SUCLG2: variants seen among roughly 807,000 people sequenced by gnomAD.
SUCLG2 encodes succinate-CoA ligase GDP-forming subunit beta, also known as succinate--CoA ligase [GDP-forming] subunit beta, mitochondrial.
A neutral mutation model predicts 47.9 loss-of-function variants in SUCLG2; 42 were observed. That is an observed-to-expected ratio of 0.88 (90% CI 0.69 to 1.14). SUCLG2 has a LOEUF of 1.14. SUCLG2 is among the 50% of genes most tolerant of loss of function. SUCLG2 has a pLI of 0.00. For missense variants in SUCLG2, 571 were observed against 525.9 expected (o/e 1.09, Z -0.84); for synonymous variants, 195 against 197.3 (o/e 0.99, Z 0.10).
downstream of SUCLG2, among the ~76,000 whole-genome samples, chr3:67,374,424 T>G (rs1219952499): frequency 6.6e-6 from 1 of 152,214 alleles, no homozygotes; most frequent in Non-Finnish European, 1.5e-5. Context: ...CTTAATGGAA[T>G]GAGTTATACT....
At chr3:67,454,837 C>T (rs1348858136) in intron 9 of SUCLG2, among the ~76,000 whole-genome samples, 1 of 151,866 alleles carries the variant, frequency 6.6e-6, no homozygotes, top group Non-Finnish European at 1.5e-5. Flanking sequence ...TAGTGGGCAC[C>T]TATAGTCGCA....
Position 67,375,856 on chromosome 3 carries a change from G to A in SUCLG2, c.1187C>T (p.Thr396Ile). The A allele has an allele frequency of 1.2e-6, 2 of 1,613,146 alleles. No individual in the cohort carries two copies. Among genetic ancestry groups the A allele is most frequent in the Non-Finnish European group, 8.5e-7 (1 of 1,179,612 alleles). Residue 396 changes from threonine (T) to isoleucine (I), a missense_variant, in exon 11 of 11, where the codon ACC becomes ATC. Physicochemically the swap from Thr to Ile is moderately conservative, Grantham distance 89. Transcript: ENST00000307227. ...KVPLVVRLEG[T>I]NVQEAQKILN... ...TATCTTCTGGGCCTCTTGGACGTTG[G>A]TTCCTAGAAGGGGGACAGGGAACAA...
rs1702909854 is a variant in SUCLG2 at position 67,410,456 on chromosome 3, G to A, written c.1063-9605C>T. 2.0e-5 allele frequency among the ~76,000 whole-genome samples: 3 copies of A among 152,272 alleles called. No homozygotes were observed. In the South Asian group the frequency reaches 6.2e-4, roughly 32 times the overall value. ...AAGGAGACAAGGAGTTAAAAGGACT[G>A]AAGGGCACAGAGATTTGGGGGAATA... On this transcript the variant is annotated intron_variant, in intron 9 of 10. Transcript: ENST00000307227.
At chr3:67,418,328 T>C (rs571298024) in intron 9 of SUCLG2, among the ~76,000 whole-genome samples, 6 of 152,286 alleles carry the variant, frequency 3.9e-5, no homozygotes, top group South Asian at 4.2e-4. Context: ...TTCAACCCTT[T>C]CCAAACTCCT....
intron 10 of SUCLG2, among the ~76,000 whole-genome samples, chr3:67,386,854 A>T (rs904033220): frequency 9.2e-5 from 14 of 152,186 alleles, no homozygotes; most frequent in African/African-American, 3.4e-4. Context: ...TGCAGCCATA[A>T]TTCCCTGGAG....
intron 1 of SUCLG2, among the ~76,000 whole-genome samples, chr3:67,613,445 T>G (rs1455204966): frequency 6.6e-6 from 1 of 152,186 alleles, no homozygotes; most frequent in Non-Finnish European, 1.5e-5. Context: ...GCCAGTAAGT[T>G]GTGAGTACAT....
chr3:67,423,111 G>A (rs1400615368), intron 9 of SUCLG2, among the ~76,000 whole-genome samples: 2 of 152,108 alleles, frequency 1.3e-5, no homozygotes, highest in Non-Finnish European at 2.9e-5. Flanking sequence ...CTGTAATAAT[G>A]CCCACGTATC....
intron 1 of SUCLG2, among the ~76,000 whole-genome samples, chr3:67,641,904 G>A (rs1427660552): frequency 6.6e-6 from 1 of 152,194 alleles, no homozygotes; most frequent in Non-Finnish European, 1.5e-5. Context: ...AATCTTTGGT[G>A]TTCTTGGCTT....
At chr3:67,581,602 G>A (rs774730411) in intron 2 of SUCLG2, among the ~76,000 whole-genome samples, 4 of 152,146 alleles carry the variant, frequency 2.6e-5, no homozygotes, top group African/African-American at 9.7e-5. Context: ...AGTGAGCCTT[G>A]AACTTTTCAA....
chr3:67,504,224 T>A (rs144936745), intron 7 of SUCLG2, among the ~76,000 whole-genome samples: 1,740 of 137,950 alleles, frequency 0.013, 30 homozygotes, highest in East Asian at 0.062. Flanking sequence ...TTAGTGGCTG[T>A]GAAAAGAGAA....
chr3:67,465,169 C>T (rs1704440488), intron 9 of SUCLG2, among the ~76,000 whole-genome samples: 1 of 152,142 alleles, frequency 6.6e-6, no homozygotes, highest in East Asian at 1.9e-4. Context: ...TTTTCTCTTC[C>T]TTTTCCACAA....
At chr3:67,414,116 GGTCTTCT>G (rs1702985168) in intron 9 of SUCLG2, among the ~76,000 whole-genome samples, 1 of 152,130 alleles carries the variant, frequency 6.6e-6, no homozygotes, top group African/African-American at 2.4e-5. Flanking sequence ...AAACCTGGAT[GGTCTTCT>G]GTGTTGCTCA....
At chr3:67,409,020 T>C in intron 9 of SUCLG2, 1 of 1,535,390 alleles carries the variant, frequency 6.5e-7, no homozygotes, top group African/African-American at 1.4e-5. Context: ...TATTTCTTGC[T>C]TTCAAATTTT....
intron 2 of SUCLG2, 29 bp from the exon 3 acceptor site, chr3:67,529,215 C>T: frequency 1.3e-6 from 2 of 1,564,010 alleles, no homozygotes; most frequent in South Asian, 1.2e-5. Context: ...GAGTTGGTAG[C>T]TGATTTTAAA....
At chr3:67,399,332 G>T (rs535266788) in intron 10 of SUCLG2, among the ~76,000 whole-genome samples, 1 of 152,192 alleles carries the variant, frequency 6.6e-6, no homozygotes, top group East Asian at 1.9e-4. Context: ...CAACTGTCTG[G>T]GTATCAAGCT....
chr3:67,437,877 T>C (rs1221009484), intron 9 of SUCLG2, among the ~76,000 whole-genome samples: 1 of 152,160 alleles, frequency 6.6e-6, no homozygotes, highest in Non-Finnish European at 1.5e-5. Flanking sequence ...GCTAATGTAG[T>C]GTGATGGTTT....
chr3:67,556,792 C>T (rs1164367297), intron 2 of SUCLG2, among the ~76,000 whole-genome samples: 13 of 152,114 alleles, frequency 8.5e-5, no homozygotes, highest in South Asian at 4.1e-4. Context: ...GTTTTGGGGC[C>T]GGATAACAAG....
chr3:67,548,795 TATTTA>T (rs1250034731), intron 2 of SUCLG2, among the ~76,000 whole-genome samples: 2 of 152,134 alleles, frequency 1.3e-5, no homozygotes, highest in Non-Finnish European at 2.9e-5. Flanking sequence ...CATAACAAAA[TATTTA>T]ATTTATACAC....
At chr3:67,395,442 G>C (rs1184129995) in intron 10 of SUCLG2, among the ~76,000 whole-genome samples, 2 of 152,182 alleles carry the variant, frequency 1.3e-5, no homozygotes, top group South Asian at 2.1e-4. Context: ...TTACATAATG[G>C]TAAAGGGATC....
Sources: gnomAD v4.1 joint callset for allele counts (sites outside exome capture counted in the v4.1 genomes callset) on GRCh38, gnomAD v4.1.1 for gene constraint, MANE v1.5 for transcripts, NCBI Gene and HGNC (gene_info 2026-07-23, HGNC 2026-07-21) for gene names.